Variants in GPC6 observed in about 807,000 individuals in gnomAD.
GPC6 encodes the protein glypican 6.
In GPC6, 14 loss-of-function variants were observed where a neutral mutation model predicts 55.2. The observed-to-expected ratio is 0.25, with a 90% CI of 0.17 to 0.40. GPC6 has a LOEUF of 0.40. GPC6 is among the 10% of genes least tolerant of loss of function. The pLI, the probability that GPC6 is intolerant of heterozygous loss-of-function variation, is 1.00. For missense variants in GPC6, 641 were observed against 708.5 expected, an observed-to-expected ratio of 0.90 and a Z score of 1.08; for synonymous variants, 278 against 259.6, an observed-to-expected ratio of 1.07 and a Z score of -0.68.
At chr13:93,335,801 G>A (rs941616186) in intron 1 of GPC6, among the ~76,000 whole-genome samples, 2 of 152,074 alleles carry the variant, frequency 1.3e-5, no homozygotes, top group Non-Finnish European at 2.9e-5. Context: ...ATTTCCTATA[G>A]CATATGTGCA....
At chr13:94,068,624 T>A (rs1884621372) in intron 4 of GPC6, among the ~76,000 whole-genome samples, 1 of 152,222 alleles carries the variant, frequency 6.6e-6, no homozygotes, top group Admixed American at 6.5e-5. Context: ...AGTTACTTCC[T>A]AGATACAATG....
chr13:93,859,968 G>T lies in GPC6; in HGVS notation c.711+29423G>T, dbSNP rs142989156. Among the ~76,000 whole-genome samples the T allele has an allele frequency of 6.1e-3, 926 of 151,816 alleles. 5 individuals are homozygous for T. The highest frequency in any genetic ancestry group is 0.02 in the Middle Eastern group (6 of 294). On this transcript the variant is annotated intron_variant, in intron 3 of 8. Coordinates refer to ENST00000377047, the MANE Select transcript of GPC6 (RefSeq NM_005708.5). Reference sequence around the variant, plus strand: ...CAGCCACAATACTGGGACCTTCTGTGCCAGCACATCTGGCTGTATTTTATT... The same window carrying T: ...CAGCCACAATACTGGGACCTTCTGTTCCAGCACATCTGGCTGTATTTTATT...
At chr13:93,762,919 A>G (rs1285288679) in intron 2 of GPC6, among the ~76,000 whole-genome samples, 2 of 152,186 alleles carry the variant, frequency 1.3e-5, no homozygotes, top group African/African-American at 4.8e-5. Context: ...AAGACATTGC[A>G]TAAATCCTTC....
chr13:93,813,797 A>AT (rs60677511), intron 2 of GPC6, among the ~76,000 whole-genome samples: 4 of 151,216 alleles, frequency 2.6e-5, no homozygotes, highest in East Asian at 3.9e-4. Context: ...TATCAAGTGT[A>AT]TTTTTTTTTA....
chr13:93,338,426 T>A (rs1184985641), intron 1 of GPC6, among the ~76,000 whole-genome samples: 1 of 152,194 alleles, frequency 6.6e-6, no homozygotes, highest in Non-Finnish European at 1.5e-5. Context: ...ATTAGTGCCC[T>A]CGCTGAGTCT....
intron 4 of GPC6, among the ~76,000 whole-genome samples, chr13:94,215,497 A>G (rs1890199795): frequency 6.6e-6 from 1 of 152,202 alleles, no homozygotes; most frequent in African/African-American, 2.4e-5. Flanking sequence ...AAATGTGAAA[A>G]CAATGTTCCT....
At chr13:93,970,120 T>C (rs1365527667) in intron 3 of GPC6, among the ~76,000 whole-genome samples, 2 of 152,194 alleles carry the variant, frequency 1.3e-5, no homozygotes, top group African/African-American at 4.8e-5. Context: ...TTAAGAGCCT[T>C]CTTAATATTT....
intron 1 of GPC6, among the ~76,000 whole-genome samples, chr13:93,468,990 A>G (rs776744831): frequency 4.6e-4 from 70 of 152,024 alleles, no homozygotes; most frequent in Non-Finnish European, 8.2e-4. Flanking sequence ...CTCCACTTCA[A>G]TTTAGTTCCT....
chr13:93,363,175 G>A (rs888461343), intron 1 of GPC6, among the ~76,000 whole-genome samples: 58 of 142,422 alleles, frequency 4.1e-4, no homozygotes, highest in African/African-American at 1.3e-3. Context: ...GGGTACATGC[G>A]TACAATGTGC....
At chr13:94,215,989 A>G (rs111258644) in intron 4 of GPC6, among the ~76,000 whole-genome samples, 26 of 151,752 alleles carry the variant, frequency 1.7e-4, no homozygotes, top group African/African-American at 6.0e-4. Context: ...TATGTTTTTT[A>G]GACGTTAGTT....
chr13:93,905,179 T>C (rs997459861), intron 3 of GPC6, among the ~76,000 whole-genome samples: 3 of 151,966 alleles, frequency 2.0e-5, no homozygotes, highest in Non-Finnish European at 4.4e-5. Context: ...TGATTATTTA[T>C]TTAGAAACTG....
chr13:93,530,256 A>G (rs1881813826), intron 1 of GPC6, among the ~76,000 whole-genome samples: 1 of 152,208 alleles, frequency 6.6e-6, no homozygotes, highest in African/African-American at 2.4e-5. Flanking sequence ...TCACCTTGTC[A>G]TGATGATAAC....
intron 2 of GPC6, among the ~76,000 whole-genome samples, chr13:93,565,264 A>G (rs973039277): frequency 6.6e-6 from 1 of 152,168 alleles, no homozygotes; most frequent in Non-Finnish European, 1.5e-5. Flanking sequence ...TTCGACTTCA[A>G]TTATGTACCT....
intron 3 of GPC6, among the ~76,000 whole-genome samples, chr13:93,895,214 G>GTGCA (rs1421883283): frequency 0.01 from 792 of 77,346 alleles, 27 homozygotes; most frequent in Non-Finnish European, 0.016. Context: ...GTGTGTGTGT[G>GTGCA]TGTATGTATG....
At chr13:93,320,740 G>T (rs1394110402) in intron 1 of GPC6, among the ~76,000 whole-genome samples, 1 of 151,930 alleles carries the variant, frequency 6.6e-6, no homozygotes, top group African/African-American at 2.4e-5. Flanking sequence ...GCAGTAAATT[G>T]ATTAGCAGTT....
intron 2 of GPC6, among the ~76,000 whole-genome samples, chr13:93,713,074 A>G (rs1174799611): frequency 6.6e-6 from 1 of 151,632 alleles, no homozygotes; most frequent in Non-Finnish European, 1.5e-5. Context: ...TAAGAGATGT[A>G]TCTGGATGGC....
intron 2 of GPC6, among the ~76,000 whole-genome samples, chr13:93,804,181 T>TA (rs992088720): frequency 5.3e-5 from 8 of 152,024 alleles, no homozygotes; most frequent in East Asian, 1.9e-4. Flanking sequence ...TGGAATTGAA[T>TA]AAAAAAAATG....
intron 3 of GPC6, among the ~76,000 whole-genome samples, chr13:93,908,041 A>G (rs1328544458): frequency 6.6e-6 from 1 of 152,146 alleles, no homozygotes; most frequent in Non-Finnish European, 1.5e-5. Flanking sequence ...TTGATGGGAG[A>G]CAGGAAGTGG....
At chr13:94,145,137 GTGGATGGATGGATGGATGGATGGA>G (rs112864050) in intron 4 of GPC6, among the ~76,000 whole-genome samples, 2 of 149,878 alleles carry the variant, frequency 1.3e-5, no homozygotes, top group Non-Finnish European at 3.0e-5. Flanking sequence ...GGATGGATGG[GTGGATGGATGGATGGATGGATGGA>G]TGGATGGATG....
Sources: allele counts gnomAD v4.1 joint callset (sites outside exome capture counted in the v4.1 genomes callset), GRCh38; gene constraint gnomAD v4.1.1; transcripts MANE v1.5; gene names NCBI Gene and HGNC (gene_info 2026-07-23, HGNC 2026-07-21).